The following TCF4 variants were observed in gnomAD, a reference collection of about 807,000 sequenced individuals.
TCF4 encodes SL3-3 enhancer factor 2.
TCF4 carries 3 observed loss-of-function variants against 82.1 expected under a neutral mutation model. The ratio of observed to expected loss-of-function variants is 0.04; its 90% CI spans 0.02 to 0.09. The LOEUF (loss-of-function observed/expected upper bound fraction) is 0.09, where lower values mean the gene tolerates loss of function less well. Among genes scored for constraint, TCF4 ranks in the 10% least tolerant of loss-of-function variants. TCF4 has a pLI of 1.00. For synonymous variants in TCF4, 276 were observed against 309.6 expected, an observed-to-expected ratio of 0.89 and a Z score of 1.14; for missense variants, 518 against 852.7, an observed-to-expected ratio of 0.61 and a Z score of 4.89.
rs1409477575 is a variant in TCF4, at chr18:55,350,868, C to A, written c.499+6G>T. 6.2e-7 allele frequency: 1 copy of A among 1,613,144 alleles called. No homozygotes were observed. Among genetic ancestry groups the A allele is most frequent in the Non-Finnish European group, 8.5e-7 (1 of 1,179,368 alleles). On this transcript the variant is annotated splice_donor_region_variant and intron_variant, in intron 7 of 19. Transcript: ENST00000354452. ...CCTCAGGCATTCAAACAAAGGAATA[C>A]CTTACCCATGGCACTACTGTGAAGA...
At chr18:55,417,454 A>T (rs991974106) in intron 5 of TCF4, among the ~76,000 whole-genome samples, 1 of 152,216 alleles carries the variant, frequency 6.6e-6, no homozygotes, top group African/African-American at 2.4e-5. Flanking sequence ...AAGTAAAACT[A>T]GTTTTCAATA....
At chr18:55,609,774 G>A (rs1465750349) in intron 2 of TCF4, among the ~76,000 whole-genome samples, 1 of 151,976 alleles carries the variant, frequency 6.6e-6, no homozygotes, top group African/African-American at 2.4e-5. Context: ...CTTGCTGTTC[G>A]CTCTGCTTGG....
At chr18:55,345,279 A>G (rs954837521) in intron 8 of TCF4, among the ~76,000 whole-genome samples, 3 of 143,230 alleles carry the variant, frequency 2.1e-5, no homozygotes, top group African/African-American at 7.9e-5. Flanking sequence ...AATAGAGAAG[A>G]TAAGATTGGT....
chr18:55,417,395 T>G (rs1315908554), intron 5 of TCF4, among the ~76,000 whole-genome samples: 1 of 152,224 alleles, frequency 6.6e-6, no homozygotes, highest in Non-Finnish European at 1.5e-5. Context: ...GATATTTAAA[T>G]GAAAGTGATC....
chr18:55,467,775 T>G (rs1465604186), intron 3 of TCF4, among the ~76,000 whole-genome samples: 1 of 152,206 alleles, frequency 6.6e-6, no homozygotes, highest in Non-Finnish European at 1.5e-5. Flanking sequence ...ACCATGTTTT[T>G]GTAACTGCTA....
chr18:55,585,807 C>T, intron 2 of TCF4: 2 of 1,108,516 alleles, frequency 1.8e-6, no homozygotes, highest in Non-Finnish European at 2.2e-6. Context: ...AATAAAAGTG[C>T]CACCTGCACT....
intron 3 of TCF4, among the ~76,000 whole-genome samples, chr18:55,501,180 C>CA (rs780382677): frequency 2.6e-4 from 39 of 151,866 alleles, no homozygotes; most frequent in Non-Finnish European, 4.0e-4. Flanking sequence ...AACATCAGTG[C>CA]AAAAAAGCCA....
intron 5 of TCF4, among the ~76,000 whole-genome samples, chr18:55,447,181 C>T (rs897976941): frequency 5.3e-5 from 8 of 151,430 alleles, no homozygotes; most frequent in Admixed American, 2.6e-4. Flanking sequence ...TGTGGTGGCA[C>T]GTGCCCACAG....
intron 5 of TCF4, among the ~76,000 whole-genome samples, chr18:55,408,811 A>T: frequency 7.1e-6 from 1 of 141,606 alleles, no homozygotes; most frequent in Admixed American, 7.2e-5. Context: ...GCTGGTGTTT[A>T]AACTCTGGGG....
intron 6 of TCF4, among the ~76,000 whole-genome samples, chr18:55,398,237 A>G (rs1384255319): frequency 1.3e-5 from 2 of 152,194 alleles, no homozygotes; most frequent in Non-Finnish European, 2.9e-5. Flanking sequence ...CAATCCCCCA[A>G]AATGAATAAG....
intron 3 of TCF4, among the ~76,000 whole-genome samples, chr18:55,549,686 G>A (rs2097242250): frequency 6.6e-6 from 1 of 151,922 alleles, no homozygotes; most frequent in Non-Finnish European, 1.5e-5. Context: ...GCCTTCTTCT[G>A]GAATCCCTCC....
At position 55,279,577 on chromosome 18, in the gene TCF4, G is replaced by A; in HGVS notation, c.629C>T (p.Thr210Ile). 6.2e-7 allele frequency: 1 copy of A among 1,613,992 alleles called. No individual in the cohort carries two copies. The highest frequency in any genetic ancestry group is 8.5e-7 in the Non-Finnish European group (1 of 1,179,912). Residue 210 changes from threonine to isoleucine, a missense_variant, in exon 9 of 20, where the codon ACT (threonine) becomes ATT (isoleucine). Physicochemically the swap from Thr to Ile is moderately conservative, Grantham distance 89. Around this residue, in one of 7 missense-constraint regions of TCF4, gnomAD observed 211 missense variants for 327.4 expected, o/e 0.64. Transcript: ENST00000354452. ...GYPSSKPATS[T>I]FPSSFFMQDG... is the part of the protein sequence containing the mutation. ...TTGCATGAAGAAGGAGCTAGGGAAA[G>A]TGCTGGTTGCTGGTTTGGAGGAAGG...
intron 2 of TCF4, among the ~76,000 whole-genome samples, chr18:55,619,438 G>T (rs1311994657): frequency 6.6e-6 from 1 of 151,946 alleles, no homozygotes; most frequent in Non-Finnish European, 1.5e-5. Context: ...GTCTTTGTAT[G>T]CTCTATTTTG....
chr18:55,330,563 C>T (rs140853270), intron 8 of TCF4, among the ~76,000 whole-genome samples: 1 of 151,614 alleles, frequency 6.6e-6, no homozygotes, highest in Non-Finnish European at 1.5e-5. Context: ...TGTATTGTGT[C>T]CACTACATTT....
At chr18:55,588,712 C>G (rs939024006), upstream of TCF4, 3 of 1,302,328 alleles carry the variant, frequency 2.3e-6, no homozygotes, top group East Asian at 2.9e-5. Flanking sequence ...TCTTTTTCGT[C>G]TATAAATCAA....
At chr18:55,581,856 G>T (rs779836819) in intron 3 of TCF4, among the ~76,000 whole-genome samples, 1 of 152,002 alleles carries the variant, frequency 6.6e-6, no homozygotes, top group Admixed American at 6.6e-5. Context: ...TCAAACACTC[G>T]TTCATTTGAC....
At chr18:55,630,683 T>G (rs545439749) in intron 2 of TCF4, among the ~76,000 whole-genome samples, 1 of 152,208 alleles carries the variant, frequency 6.6e-6, no homozygotes, top group African/African-American at 2.4e-5. Context: ...TCTTTTGGAG[T>G]TTATAACCCC....
chr18:55,590,246 G>A (rs2097682541), upstream of TCF4, among the ~76,000 whole-genome samples: 1 of 152,220 alleles, frequency 6.6e-6, no homozygotes, highest in Non-Finnish European at 1.5e-5. Flanking sequence ...CCCACTGTGT[G>A]GAGCCAGATT....
chr18:55,284,012 G>A (rs1342701414), intron 8 of TCF4, among the ~76,000 whole-genome samples: 2 of 152,004 alleles, frequency 1.3e-5, no homozygotes, highest in Admixed American at 6.6e-5. Context: ...TGCTTTTAAA[G>A]GGCAAAAAAG....
Sources: allele counts gnomAD v4.1 joint callset (sites outside exome capture counted in the v4.1 genomes callset), GRCh38; gene constraint gnomAD v4.1.1; regional missense constraint gnomAD v4.1.1; transcripts MANE v1.5; gene names NCBI Gene and HGNC (gene_info 2026-07-23, HGNC 2026-07-21).